Variants in ARID1A observed in about 807,000 individuals in gnomAD.
ARID1A encodes AT-rich interaction domain 1A.
A neutral mutation model predicts 212.6 loss-of-function variants in ARID1A; 20 were observed. The observed-to-expected ratio is 0.09, with a 90% confidence interval of 0.07 to 0.14. The LOEUF is 0.14. Ranked by LOEUF, ARID1A falls within the 10% of genes least tolerant of loss-of-function variation. The probability of loss-of-function intolerance (pLI) is 1.00; values close to 1 mark genes in which losing one functional copy is unlikely to be tolerated. For missense variants in ARID1A, 2,587 were observed against 3,059.0 expected, an observed-to-expected ratio of 0.85 and a Z score of 3.64; for synonymous variants, 1,376 against 1,222.1, an observed-to-expected ratio of 1.13 and a Z score of -2.63.
chr1:26,750,668 T>C (rs2080875959), intron 4 of ARID1A, among the ~76,000 whole-genome samples: 2 of 151,822 alleles, frequency 1.3e-5, no homozygotes, highest in South Asian at 4.2e-4. Flanking sequence ...AGCCACACCC[T>C]TGTGATTGAT....
intron 19 of ARID1A, among the ~76,000 whole-genome samples, chr1:26,777,270 G>A (rs1434815551): frequency 6.6e-6 from 1 of 152,140 alleles, no homozygotes; most frequent in Non-Finnish European, 1.5e-5. Flanking sequence ...ACTCAAGCTA[G>A]AGTGCAGTGG....
At chr1:26,731,754 T>A in intron 3 of ARID1A, 150 bp downstream of exon 3, 2 of 864,532 alleles carry the variant, frequency 2.3e-6, no homozygotes, top group Non-Finnish European at 3.6e-6. Flanking sequence ...CTGGATTGAT[T>A]GAACTAATAA....
intron 4 of ARID1A, among the ~76,000 whole-genome samples, chr1:26,737,002 T>TG (rs2124797897): frequency 6.6e-6 from 1 of 152,286 alleles, no homozygotes; most frequent in South Asian, 2.1e-4. Context: ...AATCAAGCCT[T>TG]GCTAACACAG....
At chr1:26,754,659 G>A (rs1004465800) in intron 4 of ARID1A, among the ~76,000 whole-genome samples, 1 of 152,192 alleles carries the variant, frequency 6.6e-6, no homozygotes, top group Non-Finnish European at 1.5e-5. Flanking sequence ...ACTCAGAGGC[G>A]TGACCTTTCT....
intron 1 of ARID1A, among the ~76,000 whole-genome samples, chr1:26,721,147 T>G (rs1380770695): frequency 6.6e-6 from 1 of 152,136 alleles, no homozygotes. Context: ...TGAGATGACA[T>G]TTTGGTTCTT....
At chr1:26,760,638 G>A (rs982444744) in intron 4 of ARID1A, among the ~76,000 whole-genome samples, 2 of 151,860 alleles carry the variant, frequency 1.3e-5, no homozygotes, top group African/African-American at 4.8e-5. Context: ...GCGATGAGCC[G>A]AGACGTGCCA....
chr1:26,703,625 C>CA (rs2080359854), intron 1 of ARID1A, among the ~76,000 whole-genome samples: 1 of 152,152 alleles, frequency 6.6e-6, no homozygotes, highest in South Asian at 2.1e-4. Flanking sequence ...CTTGGATTGG[C>CA]ACTGACATAG....
intron 10 of ARID1A, among the ~76,000 whole-genome samples, chr1:26,767,459 G>A (rs1326174628): frequency 6.6e-6 from 1 of 152,186 alleles, no homozygotes; most frequent in African/African-American, 2.4e-5. Context: ...TACTCAGCCT[G>A]CCACTTAAAA....
intron 11 of ARID1A, among the ~76,000 whole-genome samples, chr1:26,768,722 T>C (rs1206439082): frequency 6.6e-6 from 1 of 152,238 alleles, no homozygotes; most frequent in Non-Finnish European, 1.5e-5. Context: ...CCTACTCTGA[T>C]ACCTTACAAT....
At position 26,774,323 on chromosome 1, in the gene ARID1A, C is replaced by A. The variant is rs2124116860; in HGVS notation, c.4102-6C>A. On this transcript the variant is annotated splice_polypyrimidine_tract_variant and splice_region_variant and intron_variant, in intron 17 of 19. Coordinates refer to ENST00000324856, the MANE Select transcript of ARID1A (RefSeq NM_006015.6). This position sits in a 1 kb window ranked among gnomAD's most constrained non-coding sequence, Gnocchi z 5.6. ...TTAACTTCCCCTCTGCTTGTCTCTG[C>A]CTTAGAATTACAAGCGGCCAATGGA... is the stretch of plus-strand genomic sequence containing the variant. 1.3e-6 allele frequency: 2 copies of A among 1,530,738 alleles called. No homozygotes were observed. The highest frequency in any genetic ancestry group is 1.3e-5 in the South Asian group (1 of 77,544). The allele number at this position is 1,530,738 out of a possible 1,614,324, so 94.8% of individuals were successfully genotyped here.
chr1:26,774,837 A>C lies in ARID1A; in HGVS notation c.4610A>C (p.Gln1537Pro). Residue 1537 changes from glutamine to proline, a missense_variant, in exon 18 of 20, where the codon CAG becomes CCG. Gln to Pro is a moderately conservative substitution (Grantham distance 76). Coordinates refer to ENST00000324856, the MANE Select transcript of ARID1A (RefSeq NM_006015.6). The surrounding 1 kb of genome is among the most constrained non-coding windows in gnomAD (Gnocchi z 5.6). ...NRTDEMLHTD[Q>P]RANHEGSWPS... ...ACAGATGAAATGCTGCACACAGATC[A>C]GAGGGCCAACCACGAAGGCTCGTGG... 1.2e-6 allele frequency: 2 copies of C among 1,611,252 alleles called. No homozygotes were observed. The highest frequency in any genetic ancestry group is 1.7e-6 in the Non-Finnish European group (2 of 1,177,890).
chr1:26,774,407 A>G lies in ARID1A; in HGVS notation c.4180A>G (p.Ser1394Gly), dbSNP rs767004633. The change falls in exon 18 of 20, where the codon AGC becomes GGC. Residue 1394 changes from serine to glycine, a missense_variant. Transcript: ENST00000324856. This position sits in a 1 kb window ranked among gnomAD's most constrained non-coding sequence, Gnocchi z 5.6. The part of the protein sequence containing the change: ...HEGEMYSVPY[S>G]TGQGQPQQQQ... ...AGGGGAGATGTACAGCGTGCCATAC[A>G]GCACTGGGCAGGGGCAGCCTCAGCA... The G allele has an allele frequency of 1.2e-6, 2 of 1,610,778 alleles. No homozygotes were observed. The highest frequency in any genetic ancestry group is 1.7e-6 in the Non-Finnish European group (2 of 1,177,924).
chr1:26,778,989 C>T (rs545141170), intron 19 of ARID1A, 34 bp from the exon 20 acceptor site: 1 of 1,497,412 alleles, frequency 6.7e-7, no homozygotes, highest in Non-Finnish European at 8.9e-7. Flanking sequence ...CCACTTTTCT[C>T]CCTTAATTTA....
intron 1 of ARID1A, among the ~76,000 whole-genome samples, chr1:26,707,342 G>A (rs2080402953): frequency 6.6e-6 from 1 of 151,102 alleles, no homozygotes; most frequent in Non-Finnish European, 1.5e-5. Flanking sequence ...CCGAGTAGCT[G>A]GGACTACAGG....
rs2124085727 is a variant in ARID1A, at chr1:26,767,779, G to A, written c.2989-11G>A. The A allele has an allele frequency of 6.2e-7, 1 of 1,607,862 alleles. No individual in the cohort carries two copies. Among genetic ancestry groups the A allele is most frequent in the Non-Finnish European group, 8.5e-7 (1 of 1,175,756 alleles). ...GACCCATTCCTATGAATTTTGACCT[G>A]AACCTTCCAGAAATCCAGTTCTTCT... is the stretch of plus-strand genomic sequence containing the variant. On this transcript the variant is annotated splice_polypyrimidine_tract_variant and intron_variant, in intron 10 of 19. Coordinates refer to ENST00000324856, the MANE Select transcript of ARID1A (RefSeq NM_006015.6).
rs1327625884 is a variant in ARID1A, at chr1:26,773,091, T to C, written c.3715+104T>C. The C allele has an allele frequency of 4.2e-6, 6 of 1,445,702 alleles. No individual in the cohort carries two copies. The East Asian group carries it at 1.4e-4, about 33-fold the overall frequency. 89.6% of individuals were successfully genotyped at this position (1,445,702 alleles called of 1,614,324 possible). Reference sequence around the variant, plus strand: ...TCAGGGTTCTTGTGGAGCCATCCTCTGAGATAATGCATTTCCTGCCCTAAC... The same window carrying C: ...TCAGGGTTCTTGTGGAGCCATCCTCCGAGATAATGCATTTCCTGCCCTAAC... On this transcript the variant is annotated intron_variant, in intron 14 of 19. Coordinates refer to ENST00000324856, the MANE Select transcript of ARID1A (RefSeq NM_006015.6).
At chr1:26,736,628 CAAA>C (rs71007890) in intron 4 of ARID1A, among the ~76,000 whole-genome samples, 53 of 74,014 alleles carry the variant, frequency 7.2e-4, no homozygotes, top group African/African-American at 1.9e-3. Context: ...GACTCTGTCT[CAAA>C]AAAAAAAAAA....
In ARID1A at chr1:26,697,337, C is replaced by G; in HGVS notation, c.934C>G (p.Pro312Ala). 1.5e-6 allele frequency: 2 copies of G among 1,332,418 alleles called. No homozygotes were observed. Among genetic ancestry groups the G allele is most frequent in the Non-Finnish European group, 1.9e-6 (2 of 1,048,332 alleles). 82.5% of individuals were successfully genotyped at this position (1,332,418 alleles called of 1,614,324 possible). A position where few individuals can be genotyped will look rare whatever the true frequency, so the allele number is the denominator to read the frequency against. Residue 312 changes from proline (P) to alanine (A), a missense_variant, in exon 1 of 20, where the codon CCC (proline) becomes GCC (alanine). Pro to Ala is a conservative substitution (Grantham distance 27, BLOSUM62 -1). Around this residue, in one of 11 missense-constraint regions of ARID1A, gnomAD observed 735 missense variants for 590.6 expected, o/e 1.24. Transcript: ENST00000324856. Reference protein sequence around the residue: ...PSSARGYQGYPGGDYSGGPQD... With the variant: ...PSSARGYQGYAGGDYSGGPQD... The stretch of plus-strand genomic sequence containing the variant: ...CTCGGCCCGGGGCTACCAGGGCTAC[C>G]CCGGGGGCGACTACAGTGGCGGGCC...
At chr1:26,730,214 C>A (rs964087175) in intron 2 of ARID1A, among the ~76,000 whole-genome samples, 4 of 152,114 alleles carry the variant, frequency 2.6e-5, no homozygotes, top group African/African-American at 9.7e-5. Flanking sequence ...TATCATGTGC[C>A]CTGGTGACGG....
Sources: allele counts gnomAD v4.1 joint callset (sites outside exome capture counted in the v4.1 genomes callset), GRCh38; gene constraint gnomAD v4.1.1; regional missense constraint gnomAD v4.1.1; non-coding constraint Gnocchi (gnomAD v3.1); transcripts MANE v1.5; gene names NCBI Gene and HGNC (gene_info 2026-07-23, HGNC 2026-07-21).